The following ESRRG variants were observed in gnomAD, a reference collection of about 807,000 sequenced individuals.
ESRRG encodes the protein estrogen related receptor gamma.
Under a neutral mutation model 44.0 loss-of-function variants are expected in ESRRG, and 13 were observed. The observed-to-expected ratio is 0.30, with a 90% CI of 0.19 to 0.47. The LOEUF (loss-of-function observed/expected upper bound fraction) is 0.47, where lower values mean the gene tolerates loss of function less well. Among genes scored for constraint, ESRRG ranks in the 20% least tolerant of loss-of-function variants. The pLI is 1.00. For missense variants in ESRRG, 395 were observed against 580.6 expected (o/e 0.68, Z 3.29); for synonymous variants, 215 against 214.6 (o/e 1.00, Z -0.02).
At chr1:216,610,535 A>G (rs2060506317) in intron 3 of ESRRG, among the ~76,000 whole-genome samples, 1 of 152,108 alleles carries the variant, frequency 6.6e-6, no homozygotes, top group Admixed American at 6.6e-5. Flanking sequence ...TGTAGGAGAA[A>G]CAAGTTGCCT....
At chr1:216,834,913 T>A (rs767450978) in intron 2 of ESRRG, among the ~76,000 whole-genome samples, 2 of 151,882 alleles carry the variant, frequency 1.3e-5, no homozygotes, top group Non-Finnish European at 2.9e-5. Context: ...GATTGGAGGG[T>A]CATTGGAGCC....
chr1:216,829,457 G>C (rs984992292), intron 2 of ESRRG, among the ~76,000 whole-genome samples: 7 of 151,988 alleles, frequency 4.6e-5, no homozygotes, highest in African/African-American at 1.7e-4. Context: ...AAAAAATGAG[G>C]CATAACAAAG....
Position 216,542,928 on chromosome 1 carries a change from C to G in ESRRG, c.862+21291G>C, listed in dbSNP as rs903559104. Among the ~76,000 whole-genome samples, 15 of 151,896 alleles carry G rather than the reference C, an allele frequency of 9.9e-5. 1 individual carries two copies. The highest frequency in any genetic ancestry group is 5.3e-4 in the Admixed American group (8 of 15,204). On this transcript the variant is annotated intron_variant, in intron 5 of 6. Transcript: ENST00000408911. ...GTCTACTACTTTCTATCTCCCCCTTCCCCCCAAGCACATGGCATTTGAAAA... is the reference window on the plus strand; with the variant it reads ...GTCTACTACTTTCTATCTCCCCCTTGCCCCCAAGCACATGGCATTTGAAAA...
rs1205555617 is a variant in ESRRG at position 216,505,760 on chromosome 1, T to C, written c.*1179A>G. 6.6e-6 allele frequency: 1 copy of C among 152,576 alleles called. No homozygotes were observed. Among genetic ancestry groups the C allele is most frequent in the Admixed American group, 6.6e-5 (1 of 15,262 alleles). The allele number at this position is 152,576 out of a possible 1,614,324, so 9.5% of individuals were successfully genotyped here. On this transcript the variant is annotated 3_prime_UTR_variant, in exon 7 of 7. Coordinates refer to ENST00000408911, the MANE Select transcript of ESRRG (RefSeq NM_001438.4). The stretch of plus-strand genomic sequence containing the variant: ...TGGAGCTCATGTTAAGAAATTGATG[T>C]TTGGGACCAGACTGGCACACAACAT...
rs557117199 is a variant in ESRRG at position 216,895,827 on chromosome 1, C to T, written c.-14+43755G>A. ...CTCCTTCCCTTTTTCTTTTTAATAA[C>T]TTAACAAGTGGCAGCATTCCCCCAT... On this transcript the variant is annotated intron_variant, in intron 2 of 7. Transcript: ENST00000359162. Among the ~76,000 whole-genome samples, 11 of 152,266 alleles carry T rather than the reference C, an allele frequency of 7.2e-5. No homozygotes were observed. The East Asian group carries it at 1.9e-3, about 27-fold the overall frequency.
chr1:216,639,046 A>G (rs1176798812), intron 3 of ESRRG, among the ~76,000 whole-genome samples: 1 of 152,204 alleles, frequency 6.6e-6, no homozygotes, highest in Non-Finnish European at 1.5e-5. Flanking sequence ...ATTGGCTTCA[A>G]ATATACTAAT....
chr1:217,015,092 C>A (rs553080714), intron 1 of ESRRG, among the ~76,000 whole-genome samples: 13 of 152,296 alleles, frequency 8.5e-5, no homozygotes, highest in Non-Finnish European at 1.5e-4. Flanking sequence ...GAACCCGAAT[C>A]CAATCATCTC....
At chr1:217,094,108 C>T (rs2092390803), upstream of ESRRG, among the ~76,000 whole-genome samples, 1 of 152,104 alleles carries the variant, frequency 6.6e-6, no homozygotes, top group Non-Finnish European at 1.5e-5. Context: ...TGGTCTCAAA[C>T]TCCTGGCCTC....
chr1:216,796,305 T>C (rs372053734), intron 2 of ESRRG, among the ~76,000 whole-genome samples: 15 of 152,124 alleles, frequency 9.9e-5, no homozygotes, highest in African/African-American at 3.6e-4. Context: ...TGGGCAATTG[T>C]ATATCTCCAA....
intron 5 of ESRRG, among the ~76,000 whole-genome samples, 182 bp downstream of exon 5, chr1:216,564,037 T>A (rs1004507534): frequency 6.6e-6 from 1 of 152,154 alleles, no homozygotes; most frequent in African/African-American, 2.4e-5. Flanking sequence ...GGTACCAATA[T>A]AAATAATATA....
Position 216,590,672 on chromosome 1 carries a change from G to T in ESRRG, c.590-22574C>A, listed in dbSNP as rs1302630004. 2.0e-5 allele frequency among the ~76,000 whole-genome samples: 3 copies of T among 152,148 alleles called. No homozygotes were observed. The East Asian group carries it at 5.8e-4, about 29-fold the overall frequency. ...AGGCAATAGAATTGCCAAAAAGACT[G>T]AGTATTATTCAGTAATTTCAAGTCT... is the stretch of plus-strand genomic sequence containing the variant. On this transcript the variant is annotated intron_variant, in intron 3 of 6. Coordinates refer to ENST00000408911, the MANE Select transcript of ESRRG (RefSeq NM_001438.4).
At chr1:216,602,565 A>C (rs1299350141) in intron 3 of ESRRG, among the ~76,000 whole-genome samples, 1 of 152,180 alleles carries the variant, frequency 6.6e-6, no homozygotes, top group Admixed American at 6.5e-5. Context: ...GGCCATTTTA[A>C]CACCAAGCTC....
intron 2 of ESRRG, among the ~76,000 whole-genome samples, chr1:216,743,534 G>A (rs988109586): frequency 3.3e-5 from 5 of 152,122 alleles, no homozygotes; most frequent in African/African-American, 9.7e-5. Context: ...TGTTTTGAAG[G>A]CAGTCTTAGA....
intron 2 of ESRRG, among the ~76,000 whole-genome samples, chr1:216,812,789 T>A (rs2095017023): frequency 6.6e-6 from 1 of 152,150 alleles, no homozygotes; most frequent in Non-Finnish European, 1.5e-5. Flanking sequence ...GTATAGTACA[T>A]CCTCTTGAAT....
chr1:216,517,825 G>A (rs893680074), intron 6 of ESRRG, among the ~76,000 whole-genome samples: 3 of 152,072 alleles, frequency 2.0e-5, no homozygotes, highest in South Asian at 2.1e-4. Flanking sequence ...TCACAGGAGC[G>A]TAGAAGAAGA....
intron 1 of ESRRG, among the ~76,000 whole-genome samples, chr1:217,063,025 G>C (rs971447878): frequency 6.6e-6 from 1 of 152,126 alleles, no homozygotes; most frequent in Non-Finnish European, 1.5e-5. Context: ...TTTAACAGCA[G>C]GATCCATTCT....
At chr1:217,025,095 G>A (rs532197388) in intron 1 of ESRRG, among the ~76,000 whole-genome samples, 30 of 152,284 alleles carry the variant, frequency 2.0e-4, no homozygotes, top group South Asian at 1.0e-3. Context: ...TAAGGGACCA[G>A]GAGCAATGCT....
upstream of ESRRG, among the ~76,000 whole-genome samples, chr1:216,724,843 A>G (rs373727424): frequency 6.6e-6 from 1 of 152,124 alleles, no homozygotes; most frequent in South Asian, 2.1e-4. Context: ...GATACCAGCT[A>G]TTTATGGCAA....
At chr1:216,629,035 G>A (rs1210174569) in intron 3 of ESRRG, among the ~76,000 whole-genome samples, 1 of 152,092 alleles carries the variant, frequency 6.6e-6, no homozygotes. Context: ...TCATTCTTCA[G>A]GTCTCACTTT....
Sources: allele counts gnomAD v4.1 joint callset (sites outside exome capture counted in the v4.1 genomes callset), GRCh38; gene constraint gnomAD v4.1.1; transcripts MANE v1.5; gene names NCBI Gene and HGNC (gene_info 2026-07-23, HGNC 2026-07-21).